The following NAA16 variants were observed in gnomAD, a reference collection of about 807,000 sequenced individuals.
NAA16 encodes the protein NARG1-like protein.
Under a neutral mutation model 110.3 loss-of-function variants are expected in NAA16, and 97 were observed. The ratio of observed to expected loss-of-function variants is 0.88; its 90% CI spans 0.75 to 1.04. The LOEUF (loss-of-function observed/expected upper bound fraction) is 1.04, where lower values mean the gene tolerates loss of function less well. NAA16 is among the 50% of genes least tolerant of loss of function. The pLI is 0.00. For synonymous variants in NAA16, 372 were observed against 330.6 expected (o/e 1.13, Z -1.36); for missense variants, 1,017 against 1,005.1 (o/e 1.01, Z -0.16).
rs775850150 is a variant in NAA16, at chr13:41,346,595, AT to A, written c.1015-8545del. ...CAGGGCGAACAGTTTAGTTTGAATA[AT>A]TTTGGCATACTTTAGACTGGCGGGG... On this transcript the variant is annotated intron_variant, in intron 9 of 19. Transcript: ENST00000379406. Among the ~76,000 whole-genome samples, 309 of 152,168 alleles carry A rather than the reference AT, an allele frequency of 2.0e-3. 1 individual carries two copies. The highest frequency in any genetic ancestry group is 6.8e-3 in the Middle Eastern group (2 of 294).
chr13:41,367,690 CTA>C, intron 14 of NAA16, 38 bp downstream of exon 14: 1 of 1,389,764 alleles, frequency 7.2e-7, no homozygotes. Context: ...TAAAAGGACA[CTA>C]AATTTCAGAA....
At position 41,358,385 on chromosome 13, in the gene NAA16, ATTC is replaced by A. The variant is rs775315835; in HGVS notation, c.1172_1174del (p.Ser391del). The A allele has an allele frequency of 6.2e-7, 1 of 1,613,938 alleles. No homozygotes were observed. The highest frequency in any genetic ancestry group is 8.5e-7 in the Non-Finnish European group (1 of 1,179,822). On this transcript the variant is annotated inframe_deletion, in exon 11 of 20. Transcript: ENST00000379406. ...CAGCACTTTGATAAACTTGGACAGTATTCTTTGGCTTTGGATTATATTAATGCT... is the reference window on the plus strand; with the variant it reads ...CAGCACTTTGATAAACTTGGACAGTATTTGGCTTTGGATTATATTAATGCT...
chr13:41,329,120 A>G (rs1053454543), intron 7 of NAA16, among the ~76,000 whole-genome samples: 1 of 152,030 alleles, frequency 6.6e-6, no homozygotes, highest in African/African-American at 2.4e-5. Context: ...AAAAAAAACC[A>G]TACCAATTTA....
intron 10 of NAA16, among the ~76,000 whole-genome samples, chr13:41,356,855 T>A (rs1203322277): frequency 6.6e-6 from 1 of 152,226 alleles, no homozygotes; most frequent in East Asian, 1.9e-4. Context: ...TAAGTTATAG[T>A]TAGGTTTACT....
chr13:41,358,628 A>G (rs1460079625), intron 11 of NAA16, 155 bp downstream of exon 11: 19 of 1,443,936 alleles, frequency 1.3e-5, no homozygotes, highest in Middle Eastern at 2.6e-4. Flanking sequence ...TGTATAATCA[A>G]TGTGTAATTA....
At chr13:41,372,130 A>C (rs2043332525) in intron 15 of NAA16, 73 bp from the exon 16 acceptor site, 2 of 1,219,484 alleles carry the variant, frequency 1.6e-6, no homozygotes, top group African/African-American at 1.6e-5. Context: ...GACATATGTT[A>C]ATATAAAATT....
intron 9 of NAA16, among the ~76,000 whole-genome samples, chr13:41,338,861 G>A (rs556456762): frequency 3.9e-5 from 6 of 152,222 alleles, no homozygotes; most frequent in African/African-American, 1.4e-4. Flanking sequence ...TACACCCATC[G>A]CCTGAGCAGT....
At chr13:41,326,149 C>T (rs1406907335) in intron 6 of NAA16, among the ~76,000 whole-genome samples, 3 of 152,010 alleles carry the variant, frequency 2.0e-5, no homozygotes, top group African/African-American at 7.3e-5. Flanking sequence ...ATTACACTGC[C>T]TTCATATTGA....
intron 9 of NAA16, among the ~76,000 whole-genome samples, chr13:41,341,820 T>C (rs143823461): frequency 1.5e-3 from 221 of 144,180 alleles, no homozygotes; most frequent in African/African-American, 4.8e-3. Context: ...CTTTCACATA[T>C]TATATCAGAC....
intron 9 of NAA16, 81 bp from the exon 10 acceptor site, chr13:41,355,063 C>T: frequency 1.2e-6 from 1 of 817,492 alleles, no homozygotes; most frequent in Non-Finnish European, 2.0e-6. Context: ...TGTATATTTT[C>T]CAAATGTAAT....
In NAA16 at chr13:41,344,649, A is replaced by G. The variant is rs547932955; in HGVS notation, c.1014+7893A>G. Reference sequence around the variant, plus strand: ...ATTCTTTGTAATGTAGGGCTGTCCTATGCATTGTAGGATGTTTAGCAAACT... The same window carrying G: ...ATTCTTTGTAATGTAGGGCTGTCCTGTGCATTGTAGGATGTTTAGCAAACT... On this transcript the variant is annotated intron_variant, in intron 9 of 19. Transcript: ENST00000379406. 1.2e-4 allele frequency among the ~76,000 whole-genome samples: 18 copies of G among 152,332 alleles called. No individual in the cohort carries two copies. In the South Asian group the frequency reaches 1.2e-3, roughly 11 times the overall value.
intron 8 of NAA16, among the ~76,000 whole-genome samples, chr13:41,335,294 G>A (rs1336645529): frequency 6.6e-6 from 1 of 152,174 alleles, no homozygotes; most frequent in Non-Finnish European, 1.5e-5. Flanking sequence ...TCTCGTTTGA[G>A]CCATACAAAT....
Position 41,362,046 on chromosome 13 carries a change from AT to A in NAA16, c.1427del (p.Met476ArgfsTer4), listed in dbSNP as rs755912927. 6.2e-7 allele frequency: 1 copy of A among 1,611,258 alleles called. No individual in the cohort carries two copies. Among genetic ancestry groups the A allele is most frequent in the South Asian group, 1.1e-5 (1 of 90,458 alleles). On this transcript the variant is annotated frameshift_variant, in exon 13 of 20. Coordinates refer to ENST00000379406, the MANE Select transcript of NAA16 (RefSeq NM_024561.5). LOFTEE classifies it high-confidence loss of function. ...TCCATTTCAGGAAGGAACATCTGCCATGGAAAATCTAAATGAAATGCAGTGT... is the reference window on the plus strand; with the variant it reads ...TCCATTTCAGGAAGGAACATCTGCCAGGAAAATCTAAATGAAATGCAGTGT... ...SKFTREGTSA[M>X]ENLNEMQCMW...
intron 9 of NAA16, among the ~76,000 whole-genome samples, chr13:41,340,789 G>C (rs1300796050): frequency 6.7e-6 from 1 of 149,328 alleles, no homozygotes; most frequent in African/African-American, 2.5e-5. Flanking sequence ...CCATTCTCCT[G>C]CCTCAGTCTC....
At chr13:41,314,284 T>C (rs997452339) in intron 1 of NAA16, among the ~76,000 whole-genome samples, 2 of 152,248 alleles carry the variant, frequency 1.3e-5, no homozygotes, top group South Asian at 4.1e-4. Flanking sequence ...ATTATTATTT[T>C]CAGATAACCT....
intron 10 of NAA16, among the ~76,000 whole-genome samples, chr13:41,357,359 TC>T (rs1366634817): frequency 1.4e-5 from 1 of 73,226 alleles, no homozygotes; most frequent in Non-Finnish European, 2.6e-5. Context: ...ATTGCCTAGA[TC>T]CCTTGTTGAT....
In NAA16 at chr13:41,329,666, T is replaced by C. The variant is rs2042183875; in HGVS notation, c.811+823T>C. On this transcript the variant is annotated intron_variant, in intron 7 of 19. Coordinates refer to ENST00000379406, the MANE Select transcript of NAA16 (RefSeq NM_024561.5). ...TCTTTTTATGTTTAAAATTTAACAC[T>C]ACAAATTGTTAAAAATTTAGTTTAA... Among the ~76,000 whole-genome samples the C allele has an allele frequency of 2.0e-5, 3 of 151,858 alleles. No individual in the cohort carries two copies. The South Asian group carries it at 6.2e-4, about 31-fold the overall frequency.
intron 13 of NAA16, among the ~76,000 whole-genome samples, chr13:41,364,116 A>G (rs2043165218): frequency 6.6e-6 from 1 of 152,162 alleles, no homozygotes; most frequent in Non-Finnish European, 1.5e-5. Context: ...ATAGGTATCT[A>G]CATGAGTTAC....
Position 41,355,181 on chromosome 13 carries a change from C to G in NAA16, c.1052C>G (p.Ala351Gly). ...CAGGAACTTGTTACTAATTATGAAGCCTCTCTTAAAACGTGTGACTTTTTT... is the reference window on the plus strand; with the variant it reads ...CAGGAACTTGTTACTAATTATGAAGGCTCTCTTAAAACGTGTGACTTTTTT... ...IIQELVTNYE[A>G]SLKTCDFFSP... Residue 351 changes from alanine (A) to glycine (G), a missense_variant, in exon 10 of 20, where the codon GCC (alanine) becomes GGC (glycine). By Grantham distance (60) the Ala-to-Gly change is moderately conservative (BLOSUM62 0). Coordinates refer to ENST00000379406, the MANE Select transcript of NAA16 (RefSeq NM_024561.5). 6.3e-7 allele frequency: 1 copy of G among 1,589,532 alleles called. No individual in the cohort carries two copies. Among genetic ancestry groups the G allele is most frequent in the Non-Finnish European group, 8.6e-7 (1 of 1,168,076 alleles).
Sources: gnomAD v4.1 joint callset for allele counts (sites outside exome capture counted in the v4.1 genomes callset) on GRCh38, gnomAD v4.1.1 for gene constraint, MANE v1.5 for transcripts, NCBI Gene and HGNC (gene_info 2026-07-23, HGNC 2026-07-21) for gene names.